Variants in PARD3 observed in about 807,000 individuals in gnomAD.
The protein encoded by PARD3 is par-3 family cell polarity regulator.
PARD3 carries 75 observed loss-of-function variants against 155.4 expected under a neutral mutation model. That is an observed-to-expected ratio of 0.48 (90% confidence interval 0.40 to 0.58). The LOEUF (loss-of-function observed/expected upper bound fraction) is 0.58. Among genes scored for constraint, PARD3 ranks in the 20% least tolerant of loss-of-function variants. PARD3 has a pLI of 0.00. For missense variants in PARD3, 1,642 were observed against 1,721.7 expected, an observed-to-expected ratio of 0.95 and a Z score of 0.82; for synonymous variants, 576 against 610.5, an observed-to-expected ratio of 0.94 and a Z score of 0.83.
At chr10:34,374,790 A>T in intron 11 of PARD3, 84 bp downstream of exon 11, 1 of 1,286,876 alleles carries the variant, frequency 7.8e-7, no homozygotes, top group Non-Finnish European at 1.1e-6. Flanking sequence ...AAAATGTCTC[A>T]ATAAACATTT....
At chr10:34,357,889 T>A (rs1325492221) in intron 14 of PARD3, among the ~76,000 whole-genome samples, 1 of 152,178 alleles carries the variant, frequency 6.6e-6, no homozygotes, top group African/African-American at 2.4e-5. Flanking sequence ...AGCTCGAGAG[T>A]ATATTTTCTC....
At chr10:34,481,996 T>TACAGGC (rs1191792539) in intron 3 of PARD3, among the ~76,000 whole-genome samples, 13 of 148,922 alleles carry the variant, frequency 8.7e-5, no homozygotes, top group Non-Finnish European at 1.5e-4. Flanking sequence ...CATGCTCAGC[T>TACAGGC]ACAGGCACAC....
chr10:34,716,491 G>A (rs1258236058), intron 1 of PARD3, among the ~76,000 whole-genome samples: 1 of 151,928 alleles, frequency 6.6e-6, no homozygotes, highest in African/African-American at 2.4e-5. Flanking sequence ...CAGATGGGAG[G>A]AGGGGACAAA....
At chr10:34,148,925 G>C (rs988228209) in intron 22 of PARD3, among the ~76,000 whole-genome samples, 1 of 152,046 alleles carries the variant, frequency 6.6e-6, no homozygotes, top group African/African-American at 2.4e-5. Flanking sequence ...ACTGTAGGAA[G>C]TATTTACGAA....
At chr10:34,159,952 T>C (rs1444368539) in intron 22 of PARD3, among the ~76,000 whole-genome samples, 1 of 152,208 alleles carries the variant, frequency 6.6e-6, no homozygotes, top group Non-Finnish European at 1.5e-5. Flanking sequence ...ATCTTAACAT[T>C]TTCACCCAGG....
chr10:34,652,222 T>C (rs2093034061), intron 2 of PARD3, among the ~76,000 whole-genome samples: 1 of 152,172 alleles, frequency 6.6e-6, no homozygotes, highest in African/African-American at 2.4e-5. Flanking sequence ...TGAAATTCTG[T>C]AAACACTAGC....
chr10:34,449,298 C>G (rs759226578), intron 5 of PARD3, among the ~76,000 whole-genome samples: 1 of 151,744 alleles, frequency 6.6e-6, no homozygotes, highest in Non-Finnish European at 1.5e-5. Flanking sequence ...TAAATATATA[C>G]TATTTTTATC....
intron 1 of PARD3, among the ~76,000 whole-genome samples, chr10:34,795,848 C>T (rs751118584): frequency 1.3e-4 from 19 of 151,416 alleles, no homozygotes; most frequent in Non-Finnish European, 2.2e-4. Context: ...GAGCTGAGAT[C>T]GTGCCATTGC....
At chr10:34,370,423 C>T (rs10763985) in intron 12 of PARD3, among the ~76,000 whole-genome samples, 35,640 of 151,952 alleles carry the variant, frequency 0.23, 5,224 homozygotes, top group South Asian at 0.46. Context: ...ACACGACTGA[C>T]TACATGTTTT....
At chr10:34,690,004 G>T (rs1443488321) in intron 2 of PARD3, among the ~76,000 whole-genome samples, 1 of 152,018 alleles carries the variant, frequency 6.6e-6, no homozygotes, top group African/African-American at 2.4e-5. Context: ...GAGTACAGTG[G>T]GCGATCTCAG....
chr10:34,698,323 GC>G (rs1315817441), intron 1 of PARD3, among the ~76,000 whole-genome samples: 6 of 152,084 alleles, frequency 3.9e-5, no homozygotes, highest in Non-Finnish European at 8.8e-5. Context: ...TTCAGAACTT[GC>G]TACATTTCCA....
chr10:34,191,962 A>G (rs1420891089), intron 22 of PARD3, among the ~76,000 whole-genome samples: 1 of 152,210 alleles, frequency 6.6e-6, no homozygotes, highest in Non-Finnish European at 1.5e-5. Flanking sequence ...CTCAGCTGAA[A>G]TTGGAGGAAT....
rs369928047 is a variant in PARD3 at position 34,764,627 on chromosome 10, T to C, written c.120+50249A>G. On this transcript the variant is annotated intron_variant, in intron 1 of 24. Transcript: ENST00000374788. ...AGTGCTCATTATTCTACTCTCTGTT[T>C]ACTTTGAAAATTTCCATAATGAAAC... Among the ~76,000 whole-genome samples the C allele has an allele frequency of 2.0e-5, 3 of 152,186 alleles. No homozygotes were observed. In the South Asian group the frequency reaches 6.2e-4, roughly 32 times the overall value.
intron 20 of PARD3, among the ~76,000 whole-genome samples, chr10:34,307,794 A>G (rs1171062078): frequency 6.6e-6 from 1 of 152,192 alleles, no homozygotes; most frequent in Non-Finnish European, 1.5e-5. Context: ...TGGACGCATC[A>G]TGCAGTCTGC....
At chr10:34,469,148 T>C (rs2078190368) in intron 4 of PARD3, among the ~76,000 whole-genome samples, 1 of 152,232 alleles carries the variant, frequency 6.6e-6, no homozygotes, top group East Asian at 1.9e-4. Context: ...TCTCACTCTG[T>C]CGCCCAGGCT....
At chr10:34,162,300 C>T (rs1259782846) in intron 22 of PARD3, among the ~76,000 whole-genome samples, 7 of 152,082 alleles carry the variant, frequency 4.6e-5, no homozygotes, top group East Asian at 1.9e-4. Context: ...TAGAAGCCCT[C>T]GTATTCAACT....
At chr10:34,297,951 A>G (rs186469641) in intron 20 of PARD3, among the ~76,000 whole-genome samples, 3 of 152,352 alleles carry the variant, frequency 2.0e-5, no homozygotes, top group Admixed American at 6.5e-5. Context: ...AGTTAAGAGC[A>G]TGGCCTCTGG....
chr10:34,372,708 GATGTGTGTGTTT>G (rs1264150974), intron 11 of PARD3, among the ~76,000 whole-genome samples, 172 bp from the exon 12 acceptor site: 1 of 151,828 alleles, frequency 6.6e-6, no homozygotes, highest in Admixed American at 6.6e-5. Flanking sequence ...AAATTTTGCT[GATGTGTGTGTTT>G]ATGTGTGTGT....
At chr10:34,756,908 T>C (rs1156523493) in intron 1 of PARD3, among the ~76,000 whole-genome samples, 4 of 152,218 alleles carry the variant, frequency 2.6e-5, no homozygotes, top group African/African-American at 9.6e-5. Context: ...GAAAATTTTC[T>C]TCTTTTACTT....
Sources: allele counts gnomAD v4.1 joint callset (sites outside exome capture counted in the v4.1 genomes callset), GRCh38; gene constraint gnomAD v4.1.1; transcripts MANE v1.5; gene names NCBI Gene and HGNC (gene_info 2026-07-23, HGNC 2026-07-21).